SEZ6L: variants seen among roughly 807,000 people sequenced by gnomAD.
SEZ6L encodes seizure 6-like protein.
A neutral mutation model predicts 106.2 loss-of-function variants in SEZ6L; 37 were observed. The ratio of observed to expected loss-of-function variants is 0.35; its 90% CI spans 0.27 to 0.46. The LOEUF is 0.46. SEZ6L is among the 20% of genes least tolerant of loss of function. SEZ6L has a pLI of 1.00. For synonymous variants in SEZ6L, 541 were observed against 570.4 expected, an observed-to-expected ratio of 0.95 and a Z score of 0.73; for missense variants, 1,172 against 1,332.8, an observed-to-expected ratio of 0.88 and a Z score of 1.88.
At chr22:26,245,727 GA>G (rs2079316255) in intron 1 of SEZ6L, among the ~76,000 whole-genome samples, 1 of 152,200 alleles carries the variant, frequency 6.6e-6, no homozygotes, top group South Asian at 2.1e-4. Flanking sequence ...GTGACCTTGA[GA>G]AAGTCACTTC....
Position 26,348,646 on chromosome 22 carries a change from A to AAGAAAGAAAGAGAAAGAAAGAAAG in SEZ6L, c.2407+734_2407+735insGAAAGAAAGAGAAAGAAAGAAAGA, listed in dbSNP as rs1556371589. 6.5e-4 allele frequency among the ~76,000 whole-genome samples: 5 copies of AAGAAAGAAAGAGAAAGAAAGAAAG among 7,694 alleles called. 1 individual carries two copies. In the East Asian group the frequency reaches 0.026, roughly 40 times the overall value. 5.0% of individuals were successfully genotyped at this position (7,694 alleles called of 152,430 possible). On this transcript the variant is annotated intron_variant, in intron 11 of 16. Transcript: ENST00000248933. ...AAAGAAAGAAAGAAAGAAAGAAAGA[A>AAGAAAGAAAGAGAAAGAAAGAAAG]AAAGAAAGAAAGAAAGAAAGAAAGA... is the stretch of plus-strand genomic sequence containing the variant.
intron 11 of SEZ6L, among the ~76,000 whole-genome samples, chr22:26,348,621 A>AAAGG (rs1491120025): frequency 3.6e-5 from 1 of 27,576 alleles, no homozygotes; most frequent in Admixed American, 4.7e-4. Context: ...AAAAAGAAAG[A>AAAGG]AAGAAAGAAA....
intron 13 of SEZ6L, among the ~76,000 whole-genome samples, chr22:26,371,451 G>T (rs2084032785): frequency 6.6e-6 from 1 of 151,968 alleles, no homozygotes; most frequent in South Asian, 2.1e-4. Flanking sequence ...AAACTGAAAA[G>T]AAAATAAAAC....
At chr22:26,274,629 A>C (rs1469532020) in intron 1 of SEZ6L, among the ~76,000 whole-genome samples, 1 of 152,212 alleles carries the variant, frequency 6.6e-6, no homozygotes, top group Non-Finnish European at 1.5e-5. Context: ...CATCATACCC[A>C]GCCATAACCA....
At chr22:26,242,823 A>G (rs1321878324) in intron 1 of SEZ6L, 3 of 152,216 alleles carry the variant, frequency 2.0e-5, no homozygotes, top group Non-Finnish European at 2.9e-5. Context: ...AGCGGGAAAC[A>G]TGCTCCCAGT....
chr22:26,361,534 T>C lies in SEZ6L; in HGVS notation c.2600-3838T>C, dbSNP rs142254123. 8.3e-3 allele frequency among the ~76,000 whole-genome samples: 1,239 copies of C among 149,434 alleles called. 19 individuals carry two copies. Among genetic ancestry groups the C allele is most frequent in the African/African-American group, 0.029 (1,187 of 40,970 alleles). Reference sequence around the variant, plus strand: ...AAAAAAAAAAAAATATATATATATATATATGTATTAAGTGAACAACAGTAC... The same window carrying C: ...AAAAAAAAAAAAATATATATATATACATATGTATTAAGTGAACAACAGTAC... On this transcript the variant is annotated intron_variant, in intron 12 of 16. Transcript: ENST00000248933.
At chr22:26,307,115 T>C (rs976522723) in intron 6 of SEZ6L, among the ~76,000 whole-genome samples, 20 of 152,302 alleles carry the variant, frequency 1.3e-4, no homozygotes, top group African/African-American at 4.3e-4. Flanking sequence ...GTGTTGAGCA[T>C]ACCTCAGAGT....
At chr22:26,365,146 C>G (rs1417557207) in intron 12 of SEZ6L, among the ~76,000 whole-genome samples, 1 of 152,214 alleles carries the variant, frequency 6.6e-6, no homozygotes, top group Non-Finnish European at 1.5e-5. Context: ...ATATTTTAAC[C>G]TTGATTCCTC....
chr22:26,245,494 C>T (rs2079305589), intron 1 of SEZ6L, among the ~76,000 whole-genome samples: 1 of 152,106 alleles, frequency 6.6e-6, no homozygotes, highest in Non-Finnish European at 1.5e-5. Flanking sequence ...CATTTTACAC[C>T]ATGGGGACTT....
At chr22:26,206,253 C>T (rs1941265265) in intron 1 of SEZ6L, among the ~76,000 whole-genome samples, 1 of 152,202 alleles carries the variant, frequency 6.6e-6, no homozygotes, top group Non-Finnish European at 1.5e-5. Flanking sequence ...AGGGCCCAAC[C>T]CCAATCGTCC....
chr22:26,188,813 A>G (rs1334838948), intron 1 of SEZ6L, among the ~76,000 whole-genome samples: 1 of 152,204 alleles, frequency 6.6e-6, no homozygotes, highest in Admixed American at 6.5e-5. Flanking sequence ...TTATGGTGAG[A>G]GAATTCAGGA....
At chr22:26,235,412 C>G (rs2078927725) in intron 1 of SEZ6L, among the ~76,000 whole-genome samples, 1 of 152,068 alleles carries the variant, frequency 6.6e-6, no homozygotes, top group African/African-American at 2.4e-5. Flanking sequence ...TCACCATGGG[C>G]CAGACACATT....
chr22:26,358,650 G>C (rs1177762209), intron 12 of SEZ6L, among the ~76,000 whole-genome samples: 1 of 152,166 alleles, frequency 6.6e-6, no homozygotes, highest in Non-Finnish European at 1.5e-5. Context: ...TAAGGCCATC[G>C]GTCCAATTCA....
intron 11 of SEZ6L, among the ~76,000 whole-genome samples, chr22:26,348,698 GAAA>G (rs1569473836): frequency 2.1e-5 from 2 of 93,762 alleles, no homozygotes; most frequent in African/African-American, 4.4e-5. Flanking sequence ...AAGAAAGAAA[GAAA>G]GAAGGCAAGG....
intron 1 of SEZ6L, among the ~76,000 whole-genome samples, chr22:26,281,676 CCTT>C (rs2080775436): frequency 6.6e-5 from 10 of 152,178 alleles, no homozygotes; most frequent in Admixed American, 6.5e-4. Flanking sequence ...CCGCACCTGG[CCTT>C]CTTTTCTTTA....
intron 9 of SEZ6L, among the ~76,000 whole-genome samples, chr22:26,321,482 G>A (rs540943633): frequency 6.6e-6 from 1 of 152,314 alleles, no homozygotes; most frequent in Non-Finnish European, 1.5e-5. Flanking sequence ...TTTGCAGAAG[G>A]GAGCTGAGTC....
At chr22:26,375,020 C>T (rs606265) in intron 14 of SEZ6L, among the ~76,000 whole-genome samples, 2 of 151,896 alleles carry the variant, frequency 1.3e-5, no homozygotes, top group African/African-American at 2.4e-5. Context: ...AGGTCTAGGA[C>T]GGGCCCGTCA....
chr22:26,348,638 AAG>A (rs1361080123), intron 11 of SEZ6L, among the ~76,000 whole-genome samples: 319 of 31,358 alleles, frequency 0.01, 1 homozygote, highest in South Asian at 0.016. Flanking sequence ...GAAAGAAAGA[AAG>A]AAAGAAAAAG....
chr22:26,327,236 C>CA (rs77907006), intron 9 of SEZ6L, among the ~76,000 whole-genome samples: 147,093 of 149,280 alleles, frequency 0.99, 72,455 homozygotes, highest in Non-Finnish European at 1. Flanking sequence ...ACACACCACA[C>CA]ACGCTATACA....
Sources: gnomAD v4.1 joint callset for allele counts (sites outside exome capture counted in the v4.1 genomes callset) on GRCh38, gnomAD v4.1.1 for gene constraint, MANE v1.5 for transcripts, NCBI Gene and HGNC (gene_info 2026-07-23, HGNC 2026-07-21) for gene names.